Variants in SAMD8 observed in about 807,000 individuals in gnomAD.
The protein encoded by SAMD8 is sphingomyelin synthase-related protein 1.
A neutral mutation model predicts 42.0 loss-of-function variants in SAMD8; 20 were observed. That is an observed-to-expected ratio of 0.48 (90% CI 0.34 to 0.69). The LOEUF (loss-of-function observed/expected upper bound fraction) is 0.69. Among genes scored for constraint, SAMD8 ranks in the 30% least tolerant of loss-of-function variants. The pLI, the probability that SAMD8 is intolerant of heterozygous loss-of-function variation, is 0.01. For synonymous variants in SAMD8, 162 were observed against 173.0 expected (o/e 0.94, Z 0.50); for missense variants, 328 against 511.6 (o/e 0.64, Z 3.46).
At position 75,172,297 on chromosome 10, in the gene SAMD8, A is replaced by T. The variant is rs183694206; in HGVS notation, c.792+3639A>T. Among the ~76,000 whole-genome samples, 5 of 152,232 alleles carry T rather than the reference A, an allele frequency of 3.3e-5. No homozygotes were observed. The East Asian group carries it at 7.7e-4, about 23-fold the overall frequency. ...ATGGTATGAAGCGTTTCACCCAAATAGTATTCTAGTTGATTAGGGGAGATT... is the reference window on the plus strand; with the variant it reads ...ATGGTATGAAGCGTTTCACCCAAATTGTATTCTAGTTGATTAGGGGAGATT... On this transcript the variant is annotated intron_variant, in intron 4 of 5. Coordinates refer to ENST00000542569, the MANE Select transcript of SAMD8 (RefSeq NM_001174156.2).
chr10:75,143,557 G>GTT (rs556018046), intron 1 of SAMD8, among the ~76,000 whole-genome samples: 1 of 147,850 alleles, frequency 6.8e-6, no homozygotes, highest in Non-Finnish European at 1.5e-5. Context: ...TTAGGTTGTT[G>GTT]TTTTTTTTTT....
intron 1 of SAMD8, among the ~76,000 whole-genome samples, chr10:75,130,088 A>G (rs1010148795): frequency 1.1e-4 from 17 of 152,168 alleles, no homozygotes; most frequent in Admixed American, 3.9e-4. Context: ...GGAAGTTGTC[A>G]TTATTATTAG....
rs1304520358 is a variant in SAMD8 at position 75,105,515 on chromosome 10, G to A, written c.-16+5787G>A. 3 of 829,200 alleles carry A rather than the reference G, an allele frequency of 3.6e-6. No homozygotes were observed. In the Admixed American group the frequency reaches 7.8e-5, roughly 22 times the overall value. The allele number at this position is 829,200 out of a possible 1,614,324, so 51.4% of individuals were successfully genotyped here. On this transcript the variant is annotated intron_variant, in intron 1 of 3. Transcript: ENST00000447533. Reference sequence around the variant, plus strand: ...AAGGGAACCCAGCAGTTTGGAGAGAGGGCCAGGCCCCCTTTAATCCTCACT... The same window carrying A: ...AAGGGAACCCAGCAGTTTGGAGAGAAGGCCAGGCCCCCTTTAATCCTCACT...
At chr10:75,121,665 T>C (rs1319478734) in intron 1 of SAMD8, among the ~76,000 whole-genome samples, 1 of 152,182 alleles carries the variant, frequency 6.6e-6, no homozygotes, top group East Asian at 1.9e-4. Flanking sequence ...TATGGGTTAA[T>C]AATTGAATTT....
At chr10:75,173,242 T>A (rs1298716728) in intron 4 of SAMD8, among the ~76,000 whole-genome samples, 4 of 152,210 alleles carry the variant, frequency 2.6e-5, no homozygotes, top group African/African-American at 9.6e-5. Context: ...TTTGCAGTAA[T>A]TGTTATAAAT....
intron 1 of SAMD8, among the ~76,000 whole-genome samples, chr10:75,114,963 G>A (rs1341845855): frequency 6.6e-6 from 1 of 151,948 alleles, no homozygotes; most frequent in Non-Finnish European, 1.5e-5. Flanking sequence ...GAATGATTGT[G>A]GTATTTGGTG....
At chr10:75,109,758 A>G (rs1372809770), upstream of SAMD8, among the ~76,000 whole-genome samples, 1 of 152,098 alleles carries the variant, frequency 6.6e-6, no homozygotes, top group Admixed American at 6.5e-5. Flanking sequence ...GGTAAGAGAC[A>G]TGGAGAGCTT....
intron 1 of SAMD8, among the ~76,000 whole-genome samples, chr10:75,117,133 AT>A (rs1254137844): frequency 6.6e-6 from 1 of 151,600 alleles, no homozygotes; most frequent in Non-Finnish European, 1.5e-5. Context: ...AAAAATAAAG[AT>A]TTTACCAGCT....
chr10:75,102,842 C>G (rs1848259759), intron 1 of SAMD8, among the ~76,000 whole-genome samples: 1 of 152,148 alleles, frequency 6.6e-6, no homozygotes, highest in Non-Finnish European at 1.5e-5. Context: ...ATCCCAGCTA[C>G]TCGGGAGCCT....
At chr10:75,156,972 T>C (rs1197973979) in intron 2 of SAMD8, among the ~76,000 whole-genome samples, 2 of 152,106 alleles carry the variant, frequency 1.3e-5, no homozygotes, top group African/African-American at 4.8e-5. Context: ...ATGAGGAGGA[T>C]ATCCTTGTTC....
intron 1 of SAMD8, among the ~76,000 whole-genome samples, chr10:75,100,350 GT>G (rs1344174083): frequency 1.3e-5 from 2 of 152,214 alleles, no homozygotes; most frequent in Middle Eastern, 3.4e-3. Context: ...TGCTCAGGGT[GT>G]TGCCCCACCT....
chr10:75,119,179 C>T (rs749549222), intron 1 of SAMD8, among the ~76,000 whole-genome samples: 5 of 150,486 alleles, frequency 3.3e-5, no homozygotes, highest in African/African-American at 4.9e-5. Context: ...TAATTTGAGA[C>T]GGAGTTTCGC....
intron 1 of SAMD8, among the ~76,000 whole-genome samples, chr10:75,146,112 C>T (rs1158883618): frequency 6.6e-6 from 1 of 152,010 alleles, no homozygotes; most frequent in African/African-American, 2.4e-5. Flanking sequence ...AAACTCTCAG[C>T]TCCATCTCTT....
At chr10:75,128,400 CA>C (rs1232087932) in intron 1 of SAMD8, among the ~76,000 whole-genome samples, 1 of 152,008 alleles carries the variant, frequency 6.6e-6, no homozygotes, top group Non-Finnish European at 1.5e-5. Context: ...TTAATAAAAA[CA>C]AGGTCTCCAT....
intron 1 of SAMD8, chr10:75,104,106 G>C: frequency 3.7e-6 from 5 of 1,337,308 alleles, no homozygotes; most frequent in South Asian, 2.4e-5. Flanking sequence ...CTCTGGAAGA[G>C]AGATGAGCTC....
At chr10:75,142,975 T>G (rs760758756) in intron 1 of SAMD8, among the ~76,000 whole-genome samples, 45 of 152,072 alleles carry the variant, frequency 3.0e-4, no homozygotes, top group Admixed American at 7.2e-4. Flanking sequence ...TGTTGGCTAT[T>G]AAAAACTTTC....
chr10:75,140,177 C>T (rs947750613), intron 1 of SAMD8, among the ~76,000 whole-genome samples: 2 of 152,106 alleles, frequency 1.3e-5, no homozygotes, highest in Admixed American at 6.6e-5. Context: ...GATTTGAGTA[C>T]TGAGATAGGC....
intron 2 of SAMD8, among the ~76,000 whole-genome samples, chr10:75,152,541 A>G (rs972544964): frequency 6.6e-6 from 1 of 150,800 alleles, no homozygotes; most frequent in East Asian, 2.0e-4. Context: ...AAAAAGAAAA[A>G]AAAAAAAGAA....
chr10:75,141,196 T>G (rs1391174366), intron 1 of SAMD8, among the ~76,000 whole-genome samples: 1 of 151,928 alleles, frequency 6.6e-6, no homozygotes, highest in East Asian at 1.9e-4. Context: ...TATTAAAAAT[T>G]AGCCAAGTGT....
Sources: allele counts gnomAD v4.1 joint callset (sites outside exome capture counted in the v4.1 genomes callset), GRCh38; gene constraint gnomAD v4.1.1; transcripts MANE v1.5; gene names NCBI Gene and HGNC (gene_info 2026-07-23, HGNC 2026-07-21).